The following CCDC178 variants were observed in gnomAD, a reference collection of about 807,000 sequenced individuals.
The protein encoded by CCDC178 is coiled-coil domain containing 178, also known as coiled-coil domain-containing protein 178.
Under a neutral mutation model 117.4 loss-of-function variants are expected in CCDC178, and 126 were observed. The observed-to-expected ratio is 1.07, with a 90% confidence interval of 0.93 to 1.24. The LOEUF (loss-of-function observed/expected upper bound fraction) is 1.24, where lower values mean the gene tolerates loss of function less well. CCDC178 is among the 50% of genes most tolerant of loss of function. The pLI is 0.00. For missense variants in CCDC178, 1,030 were observed against 986.9 expected (o/e 1.04, Z -0.59); for synonymous variants, 283 against 313.4 (o/e 0.90, Z 1.02).
intron 22 of CCDC178, among the ~76,000 whole-genome samples, chr18:32,947,277 C>A (rs2054378634): frequency 6.6e-6 from 1 of 152,174 alleles, no homozygotes. Context: ...TAAGAAACTG[C>A]AAAATATTTT....
rs139957409 is a variant in CCDC178, at chr18:32,972,121, A to T, written c.2523+2426T>A. On this transcript the variant is annotated intron_variant, in intron 22 of 22. Coordinates refer to ENST00000383096, the MANE Select transcript of CCDC178 (RefSeq NM_001105528.4). ...TCCTATGTCATGGATGGTATTGCCT[A>T]GGTTTTCTCTAAGGGGTTTTACGGC... is the stretch of plus-strand genomic sequence containing the variant. Among the ~76,000 whole-genome samples, 220 of 152,170 alleles carry T rather than the reference A, an allele frequency of 1.4e-3. 1 individual carries two copies. The highest frequency in any genetic ancestry group is 4.9e-3 in the African/African-American group (203 of 41,530).
At chr18:33,180,863 A>G (rs2058726036) in intron 20 of CCDC178, among the ~76,000 whole-genome samples, 1 of 152,086 alleles carries the variant, frequency 6.6e-6, no homozygotes, top group South Asian at 2.1e-4. Flanking sequence ...GGCCTATGCC[A>G]CTTGTCTATG....
At chr18:33,076,557 G>A (rs1389370513) in intron 21 of CCDC178, among the ~76,000 whole-genome samples, 1 of 152,140 alleles carries the variant, frequency 6.6e-6, no homozygotes, top group African/African-American at 2.4e-5. Context: ...CTCTTTGTGT[G>A]ATATATTTGT....
intron 12 of CCDC178, among the ~76,000 whole-genome samples, chr18:33,268,161 G>GA (rs1168495870): frequency 1.3e-5 from 2 of 151,646 alleles, no homozygotes; most frequent in Non-Finnish European, 3.0e-5. Flanking sequence ...AGTTCACATG[G>GA]AAAAAAGGTA....
At chr18:33,271,151 A>G (rs1176377037) in intron 12 of CCDC178, among the ~76,000 whole-genome samples, 1 of 151,546 alleles carries the variant, frequency 6.6e-6, no homozygotes, top group Non-Finnish European at 1.5e-5. Flanking sequence ...GTGTTACACA[A>G]AAGAAGGCAG....
At chr18:33,070,099 T>A (rs1196178893) in intron 21 of CCDC178, among the ~76,000 whole-genome samples, 3 of 152,100 alleles carry the variant, frequency 2.0e-5, no homozygotes, top group African/African-American at 7.2e-5. Flanking sequence ...GTATAGCCAT[T>A]ATGGAGAACC....
intron 20 of CCDC178, among the ~76,000 whole-genome samples, chr18:33,101,950 C>T (rs943352707): frequency 5.9e-5 from 9 of 151,746 alleles, no homozygotes; most frequent in Non-Finnish European, 1.0e-4. Context: ...GTTTTATTGT[C>T]GTATCTATGT....
chr18:33,407,156 T>C (rs570491663), intron 3 of CCDC178, among the ~76,000 whole-genome samples: 2 of 152,288 alleles, frequency 1.3e-5, no homozygotes, highest in South Asian at 4.1e-4. Flanking sequence ...AGAGCTGTTC[T>C]GATGGTCCCA....
intron 9 of CCDC178, among the ~76,000 whole-genome samples, chr18:33,343,417 C>T (rs1009762329): frequency 2.6e-5 from 4 of 152,098 alleles, no homozygotes; most frequent in Non-Finnish European, 2.9e-5. Context: ...AAAGCATTTG[C>T]TAGTTAATTG....
intron 20 of CCDC178, among the ~76,000 whole-genome samples, chr18:33,136,476 G>A (rs2058128087): frequency 6.6e-6 from 1 of 152,132 alleles, no homozygotes; most frequent in Non-Finnish European, 1.5e-5. Flanking sequence ...AATAACTAGA[G>A]TTGATTATTT....
At chr18:33,326,051 A>G (rs1369645565) in intron 10 of CCDC178, among the ~76,000 whole-genome samples, 1 of 152,206 alleles carries the variant, frequency 6.6e-6, no homozygotes, top group Non-Finnish European at 1.5e-5. Flanking sequence ...AACGCAGTGA[A>G]ACTGGGCTAG....
At chr18:33,436,669 T>A (rs1568226471) in intron 2 of CCDC178, among the ~76,000 whole-genome samples, 1 of 152,232 alleles carries the variant, frequency 6.6e-6, no homozygotes, top group African/African-American at 2.4e-5. Context: ...GCAAGATGTA[T>A]CAGCCTGCCA....
chr18:33,429,558 G>C (rs2064176408), intron 2 of CCDC178, among the ~76,000 whole-genome samples: 1 of 152,166 alleles, frequency 6.6e-6, no homozygotes, highest in Non-Finnish European at 1.5e-5. Flanking sequence ...TTTATGTTGT[G>C]AATGTGAATA....
intron 11 of CCDC178, among the ~76,000 whole-genome samples, chr18:33,316,764 C>T (rs1039149945): frequency 1.3e-5 from 2 of 152,098 alleles, no homozygotes; most frequent in African/African-American, 2.4e-5. Context: ...ATGCACCAAT[C>T]GGCACTCTGT....
chr18:33,138,215 G>A (rs2058152997), intron 20 of CCDC178, among the ~76,000 whole-genome samples: 1 of 152,182 alleles, frequency 6.6e-6, no homozygotes, highest in African/African-American at 2.4e-5. Context: ...CACAGTTGCT[G>A]AAGATCAGTT....
intron 22 of CCDC178, among the ~76,000 whole-genome samples, chr18:32,961,319 A>C (rs562826458): frequency 6.6e-6 from 1 of 152,186 alleles, no homozygotes; most frequent in East Asian, 1.9e-4. Context: ...GTGCTTGATG[A>C]ATTCATTAAT....
At chr18:33,356,910 C>G (rs1209455430) in intron 6 of CCDC178, among the ~76,000 whole-genome samples, 1 of 151,978 alleles carries the variant, frequency 6.6e-6, no homozygotes, top group East Asian at 1.9e-4. Context: ...TTTTAGGGAG[C>G]CTGACACTTT....
At chr18:32,943,980 C>T (rs1435163364) in intron 22 of CCDC178, among the ~76,000 whole-genome samples, 1 of 152,154 alleles carries the variant, frequency 6.6e-6, no homozygotes, top group Non-Finnish European at 1.5e-5. Context: ...ATTCATGCAA[C>T]AAACATTTAT....
At chr18:33,404,992 G>A (rs1289577419) in intron 3 of CCDC178, among the ~76,000 whole-genome samples, 1 of 151,898 alleles carries the variant, frequency 6.6e-6, no homozygotes, top group Non-Finnish European at 1.5e-5. Context: ...AGTGGTACAG[G>A]GTTTCTTTCA....
Sources: gnomAD v4.1 joint callset for allele counts (sites outside exome capture counted in the v4.1 genomes callset) on GRCh38, gnomAD v4.1.1 for gene constraint, MANE v1.5 for transcripts, NCBI Gene and HGNC (gene_info 2026-07-23, HGNC 2026-07-21) for gene names.